CDC25C: variants seen among roughly 807,000 people sequenced by gnomAD.
CDC25C encodes the protein M-phase inducer phosphatase 3.
Under a neutral mutation model 52.5 loss-of-function variants are expected in CDC25C, and 48 were observed. The ratio of observed to expected loss-of-function variants is 0.91; its 90% CI spans 0.72 to 1.16. CDC25C has a LOEUF of 1.16. Ranked by LOEUF, CDC25C falls within the 50% of genes most tolerant of loss-of-function variation. The pLI, the probability that CDC25C is intolerant of heterozygous loss-of-function variation, is 0.00. For synonymous variants in CDC25C, 187 were observed against 206.5 expected, an observed-to-expected ratio of 0.91 and a Z score of 0.81; for missense variants, 510 against 566.1, an observed-to-expected ratio of 0.90 and a Z score of 1.01.
At chr5:138,325,453 G>GT (rs1759774074) in intron 6 of CDC25C, among the ~76,000 whole-genome samples, 1 of 152,030 alleles carries the variant, frequency 6.6e-6, no homozygotes, top group African/African-American at 2.4e-5. Context: ...ATGTAAAGTG[G>GT]TAAAAAAAAA....
At chr5:138,287,369 G>T in intron 10 of CDC25C, 102 bp from the exon 11 acceptor site, 1 of 723,392 alleles carries the variant, frequency 1.4e-6, no homozygotes. Context: ...TCTGTCCACT[G>T]TATGTCCAGC....
At chr5:138,313,723 T>A (rs907567689) in intron 7 of CDC25C, among the ~76,000 whole-genome samples, 1 of 152,082 alleles carries the variant, frequency 6.6e-6, no homozygotes, top group African/African-American at 2.4e-5. Context: ...TTAGCTTCCA[T>A]TTTCTCCTCT....
rs1554115426 is a variant in CDC25C at position 138,301,705 on chromosome 5, A to AAT, written c.616-9590_616-9589insAT. On this transcript the variant is annotated intron_variant, in intron 7 of 13. Transcript: ENST00000323760. Reference sequence around the variant, plus strand: ...TAGAGGTACACAAAAAAAAAAAAAAATTTTTTTTTTTTTTTTCAGATGGAG... The same window carrying AAT: ...TAGAGGTACACAAAAAAAAAAAAAAAATTTTTTTTTTTTTTTTTCAGATGGAG... Among the ~76,000 whole-genome samples, 715 of 114,100 alleles carry AAT rather than the reference A, an allele frequency of 6.3e-3. 5 individuals carry two copies. The highest frequency in any genetic ancestry group is 9.5e-3 in the African/African-American group (288 of 30,394). The allele number at this position is 114,100 out of a possible 152,430, so 74.9% of individuals were successfully genotyped here.
chr5:138,303,484 G>A (rs1757781536), intron 7 of CDC25C, among the ~76,000 whole-genome samples: 1 of 151,986 alleles, frequency 6.6e-6, no homozygotes, highest in Non-Finnish European at 1.5e-5. Context: ...TTCTCCACTT[G>A]CTCCCTCCGC....
chr5:138,296,726 C>A (rs1474281571), intron 7 of CDC25C, among the ~76,000 whole-genome samples: 2 of 151,030 alleles, frequency 1.3e-5, no homozygotes, highest in Non-Finnish European at 3.0e-5. Context: ...CTGCCTCGGC[C>A]CCCAGAGTAG....
At chr5:138,321,874 T>TC (rs1759436558) in intron 6 of CDC25C, among the ~76,000 whole-genome samples, 1 of 149,838 alleles carries the variant, frequency 6.7e-6, no homozygotes, top group Non-Finnish European at 1.5e-5. Flanking sequence ...ATCTCTGGAG[T>TC]CCATGGTCTA....
At position 138,289,560 on chromosome 5, in the gene CDC25C, A is replaced by G; in HGVS notation, c.868T>C (p.Cys290Arg). 6.2e-7 allele frequency: 1 copy of G among 1,612,272 alleles called. No homozygotes were observed. The highest frequency in any genetic ancestry group is 2.2e-5 in the East Asian group (1 of 44,878). ...GHLIGDFSKV[C>R]ALPTVSGKHQ... ...TTCCCTGACACGGTTGGCAGCGCAC[A>G]TACCTAGAAATACACAAGAGCTGAA... Residue 290 changes from cysteine (C) to arginine (R), a missense_variant, in exon 10 of 14, where the codon TGT (cysteine) becomes CGT (arginine). Physicochemically the swap from Cys to Arg is radical, Grantham distance 180. Transcript: ENST00000323760.
In CDC25C at chr5:138,286,609, G is replaced by A. The variant is rs768409329; in HGVS notation, c.1048C>T (p.Gln350Ter). 1.2e-6 allele frequency: 2 copies of A among 1,613,168 alleles called. No individual in the cohort carries two copies. The highest frequency in any genetic ancestry group is 3.3e-5 in the Admixed American group (2 of 59,894). ...HIQGALNLYSQEELFNFFLKK... is the reference protein window; with the variant it reads ...HIQGALNLYS ...AGAAAGAAGTTAAACAGTTCTTCCT[G>A]ACTATATAAGTTTAAGGCTCCCTGT... The change falls in exon 12 of 14, where the codon CAG (glutamine) becomes TAG (stop). Residue 350 changes from glutamine (Q) to a stop codon, truncating the protein, a stop_gained. Transcript: ENST00000323760. LOFTEE classifies it high-confidence loss of function.
chr5:138,314,603 CTTTTTTTTTT>C (rs907033621), intron 7 of CDC25C, among the ~76,000 whole-genome samples: 1 of 114,714 alleles, frequency 8.7e-6, no homozygotes, highest in Non-Finnish European at 1.8e-5. Flanking sequence ...GCCTATAGCA[CTTTTTTTTTT>C]TTTTTTTTTT....
chr5:138,291,961 A>G lies in CDC25C; in HGVS notation c.762+9T>C, dbSNP rs1025196214. ...GATGAACAAGATTTTCATCTTAAAAAGTTCTTACCTTCCTGAGCTTTCCTT... is the reference window on the plus strand; with the variant it reads ...GATGAACAAGATTTTCATCTTAAAAGGTTCTTACCTTCCTGAGCTTTCCTT... On this transcript the variant is annotated intron_variant, in intron 8 of 13. Transcript: ENST00000323760. 18 of 1,594,916 alleles carry G rather than the reference A, an allele frequency of 1.1e-5. No homozygotes were observed. Among genetic ancestry groups the G allele is most frequent in the Non-Finnish European group, 1.5e-5 (18 of 1,170,286 alleles).
intron 3 of CDC25C, 122 bp from the exon 4 acceptor site, chr5:138,328,651 C>G: frequency 1.3e-6 from 1 of 781,056 alleles, no homozygotes; most frequent in Non-Finnish European, 2.2e-6. Context: ...CTTTTGAATA[C>G]AAAGCCTCTC....
In CDC25C at chr5:138,298,735, T is replaced by C. The variant is rs1030886903; in HGVS notation, c.616-6619A>G. On this transcript the variant is annotated intron_variant, in intron 7 of 13. Coordinates refer to ENST00000323760, the MANE Select transcript of CDC25C (RefSeq NM_001790.5). ...ACTGCACTCCAGCCTGGTGACAGAG[T>C]GAGACTCCATCTCAAAAATAAAATA... 1.4e-3 allele frequency among the ~76,000 whole-genome samples: 202 copies of C among 149,458 alleles called. 1 individual carries two copies. The highest frequency in any genetic ancestry group is 4.6e-3 in the African/African-American group (185 of 40,560).
chr5:138,291,382 A>C (rs1366875355), intron 8 of CDC25C, among the ~76,000 whole-genome samples: 1 of 152,078 alleles, frequency 6.6e-6, no homozygotes, highest in Admixed American at 6.6e-5. Context: ...GATCTTAAGA[A>C]AAAGGGTTGG....
exon 1 of CDC25C, chr5:138,338,207 G>A: frequency 7.8e-7 from 1 of 1,277,026 alleles, no homozygotes. Context: ...ACTCTCCTCA[G>A]GGACTCGTTG....
intron 10 of CDC25C, among the ~76,000 whole-genome samples, chr5:138,288,658 C>T (rs944198548): frequency 6.6e-6 from 1 of 152,140 alleles, no homozygotes; most frequent in Non-Finnish European, 1.5e-5. Flanking sequence ...TGCCATTGCA[C>T]TCCAGCCTGG....
chr5:138,332,511 C>T (rs1760473085), upstream of CDC25C, among the ~76,000 whole-genome samples: 1 of 152,150 alleles, frequency 6.6e-6, no homozygotes, highest in Non-Finnish European at 1.5e-5. Context: ...ATCCTTATCG[C>T]AATCCAGAGG....
chr5:138,291,653 A>C (rs993308299), intron 8 of CDC25C, among the ~76,000 whole-genome samples: 1 of 151,766 alleles, frequency 6.6e-6, no homozygotes, highest in African/African-American at 2.4e-5. Context: ...TCCTGAGCTC[A>C]GGCAATCCGC....
upstream of CDC25C, chr5:138,338,330 C>T (rs376689200): frequency 4.3e-6 from 2 of 465,276 alleles, no homozygotes; most frequent in South Asian, 1.6e-5. Context: ...GGGCAGGTGG[C>T]GCTGGGGCCT....
Position 138,322,466 on chromosome 5 carries a change from A to ATTTTTTTTT in CDC25C, c.460-3101_460-3093dup, listed in dbSNP as rs71585117. On this transcript the variant is annotated intron_variant, in intron 6 of 13. Transcript: ENST00000323760. ...AGATGCCTGCCACCACGCCCGGCTA[A>ATTTTTTTTT]TTTTTTTTTTTTTTTTTTTTTTTTT... 2.6e-3 allele frequency among the ~76,000 whole-genome samples: 174 copies of ATTTTTTTTT among 67,954 alleles called. 27 individuals are homozygous for ATTTTTTTTT. The highest frequency in any genetic ancestry group is 3.9e-3 in the Non-Finnish European group (130 of 33,136). The allele number at this position is 67,954 out of a possible 152,430, so 44.6% of individuals were successfully genotyped here. A position where few individuals can be genotyped will look rare whatever the true frequency, so the allele number is the denominator to read the frequency against.
Sources: gnomAD v4.1 joint callset for allele counts (sites outside exome capture counted in the v4.1 genomes callset) on GRCh38, gnomAD v4.1.1 for gene constraint, MANE v1.5 for transcripts, NCBI Gene and HGNC (gene_info 2026-07-23, HGNC 2026-07-21) for gene names.